Variants in LDB2 observed in about 807,000 individuals in gnomAD.
The protein encoded by LDB2 is LIM domain-binding protein 2.
In LDB2, 12 loss-of-function variants were observed where a neutral mutation model predicts 44.3. The ratio of observed to expected loss-of-function variants is 0.27; its 90% CI spans 0.17 to 0.44. The LOEUF (loss-of-function observed/expected upper bound fraction) is 0.44, where lower values mean the gene tolerates loss of function less well. Among genes scored for constraint, LDB2 ranks in the 20% least tolerant of loss-of-function variants. The pLI is 1.00. For missense variants in LDB2, 344 were observed against 473.5 expected (o/e 0.73, Z 2.54); for synonymous variants, 164 against 174.8 (o/e 0.94, Z 0.49).
At chr4:16,583,110 C>T (rs781165070) in intron 5 of LDB2, among the ~76,000 whole-genome samples, 2 of 152,164 alleles carry the variant, frequency 1.3e-5, no homozygotes, top group South Asian at 4.1e-4. Flanking sequence ...GAGCTGCCTT[C>T]GGTCAGCTCT....
chr4:16,560,680 C>A (rs1480773618), intron 5 of LDB2, among the ~76,000 whole-genome samples: 1 of 152,114 alleles, frequency 6.6e-6, no homozygotes, highest in Non-Finnish European at 1.5e-5. Context: ...CTATTCCAAT[C>A]AATAGAAAAA....
chr4:16,897,440 T>C (rs895185077), intron 1 of LDB2, among the ~76,000 whole-genome samples: 1 of 152,154 alleles, frequency 6.6e-6, no homozygotes, highest in Admixed American at 6.5e-5. Flanking sequence ...CAGCAAGACC[T>C]GCCAGCTGAG....
intron 2 of LDB2, among the ~76,000 whole-genome samples, chr4:16,711,587 G>A (rs1755884653): frequency 6.6e-6 from 1 of 152,206 alleles, no homozygotes; most frequent in Non-Finnish European, 1.5e-5. Flanking sequence ...CCTGGATGCT[G>A]TGCATAGAAT....
intron 2 of LDB2, among the ~76,000 whole-genome samples, chr4:16,636,328 TC>T (rs1733595598): frequency 6.6e-6 from 1 of 152,196 alleles, no homozygotes; most frequent in African/African-American, 2.4e-5. Flanking sequence ...TCTCTGCTGC[TC>T]CAGCCACAGC....
intron 5 of LDB2, among the ~76,000 whole-genome samples, chr4:16,547,953 T>G (rs1053402668): frequency 2.0e-5 from 3 of 151,170 alleles, no homozygotes; most frequent in South Asian, 4.2e-4. Flanking sequence ...TTCTTTTTTT[T>G]TGTTTGTTTT....
At chr4:16,749,375 T>C (rs550331305) in intron 2 of LDB2, among the ~76,000 whole-genome samples, 1 of 151,778 alleles carries the variant, frequency 6.6e-6, no homozygotes, top group Admixed American at 6.6e-5. Context: ...CTCGCCAATG[T>C]GGTGAAACCT....
At chr4:16,688,829 C>A (rs1749894743) in intron 2 of LDB2, among the ~76,000 whole-genome samples, 1 of 152,216 alleles carries the variant, frequency 6.6e-6, no homozygotes, top group African/African-American at 2.4e-5. Flanking sequence ...AGCAGTCCTT[C>A]ATCTCTCCTA....
Position 16,502,595 on chromosome 4 carries a change from A to G in LDB2, c.*48T>C. The G allele has an allele frequency of 6.3e-7, 1 of 1,597,256 alleles. No individual in the cohort carries two copies. The highest frequency in any genetic ancestry group is 8.6e-7 in the Non-Finnish European group (1 of 1,166,006). Reference sequence around the variant, plus strand: ...CCTGTAAGTAAAGATTTGCAATTGTAATGATCACCCACGGGCCTATTGACA... The same window carrying G: ...CCTGTAAGTAAAGATTTGCAATTGTGATGATCACCCACGGGCCTATTGACA... On this transcript the variant is annotated 3_prime_UTR_variant, in exon 8 of 8. Transcript: ENST00000304523.
chr4:16,712,968 T>C (rs747344856), intron 2 of LDB2, among the ~76,000 whole-genome samples: 7 of 152,216 alleles, frequency 4.6e-5, no homozygotes, highest in Non-Finnish European at 7.3e-5. Context: ...TCATAATTGC[T>C]GAACAAATAA....
chr4:16,735,879 G>T (rs1032428337), intron 2 of LDB2, among the ~76,000 whole-genome samples: 5 of 152,188 alleles, frequency 3.3e-5, no homozygotes, highest in African/African-American at 4.8e-5. Context: ...AGTCGCTGTT[G>T]GAGATGTCAT....
intron 1 of LDB2, among the ~76,000 whole-genome samples, chr4:16,769,599 T>G (rs1770186011): frequency 6.6e-6 from 1 of 150,634 alleles, no homozygotes; most frequent in African/African-American, 2.5e-5. Flanking sequence ...CCCAGCCCTA[T>G]GGGATTTTTT....
At chr4:16,799,499 A>C (rs1231154541) in intron 1 of LDB2, among the ~76,000 whole-genome samples, 1 of 152,264 alleles carries the variant, frequency 6.6e-6, no homozygotes, top group East Asian at 1.9e-4. Flanking sequence ...GAAGGAAAGG[A>C]TTCTCTCCAC....
At chr4:16,809,286 T>A (rs1779334236) in intron 1 of LDB2, among the ~76,000 whole-genome samples, 1 of 152,224 alleles carries the variant, frequency 6.6e-6, no homozygotes, top group Non-Finnish European at 1.5e-5. Flanking sequence ...TACTTTTGTA[T>A]ATAAGCTCAA....
At position 16,503,468 on chromosome 4, in the gene LDB2, T is replaced by C. The variant is rs1310050433; in HGVS notation, c.892-595A>G. Among the ~76,000 whole-genome samples the C allele has an allele frequency of 6.6e-5, 10 of 152,238 alleles. 1 individual carries two copies. The East Asian group carries it at 1.9e-3, about 29-fold the overall frequency. On this transcript the variant is annotated intron_variant, in intron 7 of 7. Transcript: ENST00000304523. Reference sequence around the variant, plus strand: ...GCAGCCAATATCCTTGACATTCTGCTACTTAATTATGGTAATTAATTTAGG... The same window carrying C: ...GCAGCCAATATCCTTGACATTCTGCCACTTAATTATGGTAATTAATTTAGG...
intron 1 of LDB2, among the ~76,000 whole-genome samples, chr4:16,874,808 CCT>C (rs1271967985): frequency 1.3e-5 from 2 of 152,084 alleles, no homozygotes; most frequent in Non-Finnish European, 2.9e-5. Flanking sequence ...ACCATTAGAC[CCT>C]GAGTGTAAGT....
intron 1 of LDB2, among the ~76,000 whole-genome samples, chr4:16,844,522 A>G (rs1381161255): frequency 6.6e-6 from 1 of 151,918 alleles, no homozygotes; most frequent in Admixed American, 6.6e-5. Flanking sequence ...TTTGTCTGTT[A>G]TTTTTCTCTT....
intron 1 of LDB2, among the ~76,000 whole-genome samples, chr4:16,850,851 G>A (rs1788075228): frequency 6.6e-6 from 1 of 152,068 alleles, no homozygotes. Context: ...GGAATTTCCA[G>A]GAAGTGTTTG....
At chr4:16,595,999 G>T in intron 2 of LDB2, 124 bp from the exon 3 acceptor site, 1 of 957,438 alleles carries the variant, frequency 1.0e-6, no homozygotes, top group Non-Finnish European at 1.5e-6. Flanking sequence ...ATACCAGGAG[G>T]CAAATTTCTC....
At chr4:16,879,697 G>T (rs1346244738) in intron 1 of LDB2, among the ~76,000 whole-genome samples, 1 of 152,152 alleles carries the variant, frequency 6.6e-6, no homozygotes, top group African/African-American at 2.4e-5. Flanking sequence ...AGCAGATCAT[G>T]GGACTTCTCA....
Sources: gnomAD v4.1 joint callset for allele counts (sites outside exome capture counted in the v4.1 genomes callset) on GRCh38, gnomAD v4.1.1 for gene constraint, MANE v1.5 for transcripts, NCBI Gene and HGNC (gene_info 2026-07-23, HGNC 2026-07-21) for gene names.